PUDP: variants seen among roughly 807,000 people sequenced by gnomAD.
PUDP encodes pseudouridine 5'-phosphatase, also known as pseudouridine-5'-phosphatase.
PUDP carries 8 observed loss-of-function variants against 9.4 expected under a neutral mutation model. The ratio of observed to expected loss-of-function variants is 0.85; its 90% CI spans 0.50 to 1.53. PUDP has a LOEUF of 1.53. PUDP is among the 40% of genes most tolerant of loss of function. The pLI is 0.00. For synonymous variants in PUDP, 99 were observed against 80.7 expected, an observed-to-expected ratio of 1.23 and a Z score of -1.22; for missense variants, 188 against 189.7, an observed-to-expected ratio of 0.99 and a Z score of 0.05.
chrX:6,752,720 C>G (rs1168846211), intron 3 of PUDP, among the ~76,000 whole-genome samples: 2 of 110,569 alleles, frequency 1.8e-5, no homozygotes, highest in Non-Finnish European at 3.8e-5. Flanking sequence ...TAGATTCTGC[C>G]TGGATGATCA....
intron 3 of PUDP, among the ~76,000 whole-genome samples, chrX:6,751,969 A>T (rs1329402979): frequency 9.0e-6 from 1 of 110,662 alleles, no homozygotes; most frequent in Non-Finnish European, 1.9e-5. Flanking sequence ...TTCCATCAGG[A>T]GTCCCGGTGG....
At chrX:7,050,556 G>T in intron 3 of PUDP, 84 bp from the exon 4 acceptor site, 3 of 857,891 alleles carry the variant, frequency 3.5e-6, no homozygotes, top group Non-Finnish European at 5.0e-6. Flanking sequence ...GTCACCATTG[G>T]CTCTGCAACT....
intron 3 of PUDP, among the ~76,000 whole-genome samples, chrX:6,964,509 C>A (rs1928753885): frequency 9.1e-6 from 1 of 110,226 alleles, no homozygotes; most frequent in African/African-American, 3.3e-5. Flanking sequence ...TCTGTCTCTA[C>A]AAAAAATTTT....
At chrX:6,826,388 G>A (rs1470246077) in intron 3 of PUDP, among the ~76,000 whole-genome samples, 1 of 111,572 alleles carries the variant, frequency 9.0e-6, no homozygotes, top group African/African-American at 3.3e-5. Flanking sequence ...TATTTAAGAA[G>A]GTCCTTATCT....
In PUDP at chrX:7,096,630, G is replaced by A. The variant is rs756746441; in HGVS notation, c.280+8990C>T. On this transcript the variant is annotated intron_variant, in intron 2 of 3. Coordinates refer to ENST00000381077, the MANE Select transcript of PUDP (RefSeq NM_012080.5). ...GGACTGCTTGAGGTAGAACTTTTGA[G>A]ACCAGACTGGGCAACATATCAAGAC... is the stretch of plus-strand genomic sequence containing the variant. Among the ~76,000 whole-genome samples the A allele has an allele frequency of 4.5e-5, 5 of 111,008 alleles. No individual in the cohort carries two copies. In the South Asian group the frequency reaches 1.9e-3, roughly 43 times the overall value.
chrX:7,097,231 T>C (rs1290423714), intron 2 of PUDP, among the ~76,000 whole-genome samples: 1 of 111,720 alleles, frequency 9.0e-6, no homozygotes, highest in Non-Finnish European at 1.9e-5. Context: ...AAAATCCCAA[T>C]GGTTCTCCCT....
chrX:6,963,158 G>T (rs897910179), intron 3 of PUDP, among the ~76,000 whole-genome samples: 2 of 112,212 alleles, frequency 1.8e-5, no homozygotes, highest in African/African-American at 6.5e-5. Flanking sequence ...TGTCTTCAAG[G>T]GTCCCTGTGA....
intron 3 of PUDP, among the ~76,000 whole-genome samples, chrX:6,737,525 C>A (rs772822880): frequency 5.6e-5 from 6 of 107,790 alleles, no homozygotes; most frequent in East Asian, 3.0e-4. Flanking sequence ...TGAGAGTGAG[C>A]AGCAGGTATT....
intron 3 of PUDP, among the ~76,000 whole-genome samples, chrX:6,778,637 G>A (rs1925506937): frequency 8.9e-6 from 1 of 112,209 alleles, no homozygotes; most frequent in African/African-American, 3.2e-5. Flanking sequence ...CCAGAGTGCC[G>A]CAGGCAGCTC....
intron 3 of PUDP, among the ~76,000 whole-genome samples, chrX:6,915,185 C>T (rs1021732489): frequency 6.2e-5 from 7 of 112,136 alleles, no homozygotes; most frequent in Non-Finnish European, 1.1e-4. Flanking sequence ...TTCCCATAGA[C>T]GTTTTTCTAA....
intron 3 of PUDP, among the ~76,000 whole-genome samples, chrX:7,061,445 T>G (rs932000117): frequency 3.6e-5 from 4 of 111,527 alleles, no homozygotes; most frequent in African/African-American, 1.3e-4. Context: ...TTTTACTCAG[T>G]TGAACAGTTT....
intron 1 of PUDP, among the ~76,000 whole-genome samples, chrX:7,113,936 A>C (rs1427439524): frequency 1.8e-5 from 2 of 111,613 alleles, no homozygotes; most frequent in Non-Finnish European, 3.8e-5. Context: ...TGAGAAGTCC[A>C]ACGTCGAGGG....
chrX:7,096,768 C>T (rs1463987638), intron 2 of PUDP, among the ~76,000 whole-genome samples: 3 of 111,176 alleles, frequency 2.7e-5, no homozygotes, highest in Admixed American at 9.5e-5. Context: ...CCCAGCAGTT[C>T]GAGGCTGCAG....
intron 1 of PUDP, among the ~76,000 whole-genome samples, chrX:6,986,223 A>T (rs1262832883): frequency 8.9e-6 from 1 of 111,764 alleles, no homozygotes; most frequent in Non-Finnish European, 1.9e-5. Context: ...CCATTCTTTT[A>T]TTCCTCTCCT....
exon 2 of PUDP, chrX:6,706,355 C>T (rs1924469020): frequency 8.9e-6 from 1 of 111,960 alleles, no homozygotes; most frequent in Admixed American, 9.5e-5. Context: ...GTAGTCGCAA[C>T]CATTCAGGAG....
chrX:6,977,216 A>G (rs1047189022), exon 3 of PUDP, among the ~76,000 whole-genome samples: 6 of 111,631 alleles, frequency 5.4e-5, no homozygotes, highest in Non-Finnish European at 1.1e-4. Context: ...CCAATCTCAC[A>G]ACGGGGACCA....
intron 2 of PUDP, among the ~76,000 whole-genome samples, chrX:7,102,002 A>G (rs1190885666): frequency 9.0e-6 from 1 of 111,508 alleles, no homozygotes; most frequent in Non-Finnish European, 1.9e-5. Context: ...GGGGGAAAAA[A>G]TGAAGACATA....
intron 3 of PUDP, among the ~76,000 whole-genome samples, chrX:6,949,785 G>A (rs1211728633): frequency 8.9e-6 from 1 of 112,004 alleles, no homozygotes; most frequent in Non-Finnish European, 1.9e-5. Context: ...GCACAGCTTA[G>A]CCCACTAAGT....
At chrX:6,877,175 T>C (rs952981095) in intron 3 of PUDP, among the ~76,000 whole-genome samples, 3 of 110,140 alleles carry the variant, frequency 2.7e-5, no homozygotes, top group Middle Eastern at 4.6e-3. Context: ...ATCAGGCTGG[T>C]CTTGAACTCC....
Sources: gnomAD v4.1 joint callset for allele counts (sites outside exome capture counted in the v4.1 genomes callset) on GRCh38, gnomAD v4.1.1 for gene constraint, MANE v1.5 for transcripts, NCBI Gene and HGNC (gene_info 2026-07-23, HGNC 2026-07-21) for gene names.